Variants in CSTPP1 observed in about 807,000 individuals in gnomAD.
CSTPP1 encodes centriolar satellite-associated tubulin polyglutamylase complex regulator 1.
chr11:47,122,772 G>T, the CSTPP1 span, among the ~76,000 whole-genome samples: 1 of 152,006 alleles, frequency 6.6e-6, no homozygotes, highest in African/African-American at 2.4e-5. Context: ...TAGAAACGTG[G>T]TTTGCCATGT....
the CSTPP1 span, chr11:47,052,606 T>G: frequency 6.8e-7 from 1 of 1,469,538 alleles, no homozygotes; most frequent in Non-Finnish European, 9.1e-7. Flanking sequence ...TCTTTCTCTC[T>G]CTCTTTTCCT....
chr11:47,154,904 T>C, the CSTPP1 span: 1 of 524,674 alleles, frequency 1.9e-6, no homozygotes, highest in African/African-American at 1.9e-5. Flanking sequence ...CTGGTGCCAC[T>C]GAGACTGAAC....
chr11:47,075,120 C>T, the CSTPP1 span, among the ~76,000 whole-genome samples: 1 of 152,160 alleles, frequency 6.6e-6, no homozygotes, highest in African/African-American at 2.4e-5. Context: ...CCTGTAATCC[C>T]AGGACTTTGG....
At chr11:47,058,900 G>A in the CSTPP1 span, among the ~76,000 whole-genome samples, 1 of 152,156 alleles carries the variant, frequency 6.6e-6, no homozygotes, top group South Asian at 2.1e-4. Flanking sequence ...CCCTCAAGGA[G>A]CTCTTATTCT....
chr11:46,974,453 G>C, the CSTPP1 span, among the ~76,000 whole-genome samples: 4 of 151,548 alleles, frequency 2.6e-5, no homozygotes, highest in Admixed American at 1.3e-4. Context: ...ACTTGAATCT[G>C]GGAGCAGAGG....
chr11:46,939,249 C>A, the CSTPP1 span, among the ~76,000 whole-genome samples: 2 of 151,750 alleles, frequency 1.3e-5, no homozygotes, highest in African/African-American at 4.8e-5. Flanking sequence ...CGCCACCACG[C>A]CTGGCTAATT....
At chr11:47,057,775 A>T in the CSTPP1 span, among the ~76,000 whole-genome samples, 1 of 152,204 alleles carries the variant, frequency 6.6e-6, no homozygotes, top group Non-Finnish European at 1.5e-5. Flanking sequence ...CTGGAAAAAG[A>T]ACCACCAGAA....
the CSTPP1 span, among the ~76,000 whole-genome samples, chr11:47,109,982 C>T: frequency 1.3e-5 from 2 of 152,168 alleles, no homozygotes; most frequent in African/African-American, 2.4e-5. Context: ...GATTGCATGG[C>T]TGGCTGATTC....
At chr11:46,997,957 G>A in the CSTPP1 span, among the ~76,000 whole-genome samples, 1 of 152,210 alleles carries the variant, frequency 6.6e-6, no homozygotes, top group African/African-American at 2.4e-5. Context: ...CGTATGAAGT[G>A]TCAGTCGGCC....
At chr11:46,995,253 A>T in the CSTPP1 span, among the ~76,000 whole-genome samples, 1 of 151,906 alleles carries the variant, frequency 6.6e-6, no homozygotes, top group Non-Finnish European at 1.5e-5. Context: ...ATTTTTTGAA[A>T]GTTTTTTTGT....
the CSTPP1 span, among the ~76,000 whole-genome samples, chr11:47,141,405 G>C: frequency 2.0e-5 from 3 of 151,424 alleles, no homozygotes; most frequent in African/African-American, 7.3e-5. Context: ...GAGGCTAAGT[G>C]GGGAGGATTG....
chr11:47,090,768 G>A, the CSTPP1 span, among the ~76,000 whole-genome samples: 1 of 152,134 alleles, frequency 6.6e-6, no homozygotes, highest in African/African-American at 2.4e-5. Context: ...GGCCGGGCAC[G>A]GAGGCTCACG....
the CSTPP1 span, among the ~76,000 whole-genome samples, chr11:47,132,080 A>G: frequency 6.6e-6 from 1 of 152,332 alleles, no homozygotes; most frequent in East Asian, 1.9e-4. Flanking sequence ...GAAGTGTAGT[A>G]CACTGGTCAT....
At chr11:47,140,558 G>A in the CSTPP1 span, among the ~76,000 whole-genome samples, 2 of 152,030 alleles carry the variant, frequency 1.3e-5, no homozygotes, top group South Asian at 2.1e-4. Context: ...AGCCTCCTGA[G>A]TAGCTGGGAT....
At chr11:47,065,901 C>T in the CSTPP1 span, among the ~76,000 whole-genome samples, 1 of 151,148 alleles carries the variant, frequency 6.6e-6, no homozygotes, top group Non-Finnish European at 1.5e-5. Flanking sequence ...ATGCCACCAC[C>T]CCAGCATGTA....
At chr11:47,146,443 A>AGAT in the CSTPP1 span, among the ~76,000 whole-genome samples, 1 of 152,106 alleles carries the variant, frequency 6.6e-6, no homozygotes, top group Non-Finnish European at 1.5e-5. Flanking sequence ...AATAGTCCAA[A>AGAT]GATATAAACA....
At chr11:47,112,482 C>T in the CSTPP1 span, among the ~76,000 whole-genome samples, 9 of 152,044 alleles carry the variant, frequency 5.9e-5, no homozygotes, top group Admixed American at 1.3e-4. Context: ...CCACCATGCC[C>T]GGCTAATTTT....
the CSTPP1 span, among the ~76,000 whole-genome samples, chr11:47,093,091 G>T: frequency 6.6e-6 from 1 of 152,190 alleles, no homozygotes. Flanking sequence ...TTGTTTGTGT[G>T]TAACTCTTAC....
chr11:47,113,727 T>A, the CSTPP1 span, among the ~76,000 whole-genome samples: 1 of 152,104 alleles, frequency 6.6e-6, no homozygotes, highest in African/African-American at 2.4e-5. Context: ...GTTTGAGTTC[T>A]TTGTAGATTC....
Sources: gnomAD v4.1 joint callset for allele counts (sites outside exome capture counted in the v4.1 genomes callset) on GRCh38, gnomAD v4.1.1 for gene constraint, MANE v1.5 for transcripts, NCBI Gene and HGNC (gene_info 2026-07-23, HGNC 2026-07-21) for gene names.